The following AGBL1 variants were observed in gnomAD, a reference collection of about 807,000 sequenced individuals.
AGBL1 encodes the protein cytosolic carboxypeptidase 4.
Under a neutral mutation model 118.9 loss-of-function variants are expected in AGBL1, and 130 were observed. The observed-to-expected ratio is 1.09, with a 90% CI of 0.95 to 1.26. The LOEUF (loss-of-function observed/expected upper bound fraction) is 1.26. Ranked by LOEUF, AGBL1 falls within the 50% of genes most tolerant of loss-of-function variation. The pLI is 0.00. For missense variants in AGBL1, 1,584 were observed against 1,298.1 expected, an observed-to-expected ratio of 1.22 and a Z score of -3.38; for synonymous variants, 555 against 478.9, an observed-to-expected ratio of 1.16 and a Z score of -2.08.
chr15:86,437,551 T>G (rs904031170), intron 18 of AGBL1, among the ~76,000 whole-genome samples: 3 of 152,158 alleles, frequency 2.0e-5, no homozygotes, highest in African/African-American at 7.2e-5. Context: ...ATGCATGCAG[T>G]TTCCCCAACT....
rs981709014 is a variant in AGBL1 at position 86,968,939 on chromosome 15, G to A, written c.3222-19048G>A. On this transcript the variant is annotated intron_variant, in intron 23 of 24. Transcript: ENST00000441037. ...TAAAGGCGCTAATTCTATTCATGAGGCAGATCCCTTATAACCTTGTCGCCA... is the reference window on the plus strand; with the variant it reads ...TAAAGGCGCTAATTCTATTCATGAGACAGATCCCTTATAACCTTGTCGCCA... Among the ~76,000 whole-genome samples, 5 of 151,722 alleles carry A rather than the reference G, an allele frequency of 3.3e-5. No homozygotes were observed. In the East Asian group the frequency reaches 5.8e-4, roughly 18 times the overall value.
chr15:87,003,684 C>A (rs904681705), intron 24 of AGBL1, among the ~76,000 whole-genome samples: 3 of 152,132 alleles, frequency 2.0e-5, no homozygotes, highest in Non-Finnish European at 4.4e-5. Context: ...AGAGATTCAA[C>A]TTCTTCCTGG....
At chr15:86,244,113 A>G (rs1019465869) in intron 6 of AGBL1, among the ~76,000 whole-genome samples, 6 of 151,472 alleles carry the variant, frequency 4.0e-5, no homozygotes, top group Non-Finnish European at 1.5e-5. Context: ...ATAGACACTA[A>G]TCTATTTAGA....
chr15:86,827,358 T>C (rs1442900351), intron 22 of AGBL1, among the ~76,000 whole-genome samples: 279 of 9,948 alleles, frequency 0.028, 36 homozygotes, highest in East Asian at 0.27. Context: ...TATATATATA[T>C]ATATGTGTGT....
intron 7 of AGBL1, among the ~76,000 whole-genome samples, chr15:86,251,897 C>T (rs902291024): frequency 2.0e-5 from 3 of 151,580 alleles, no homozygotes; most frequent in African/African-American, 7.3e-5. Flanking sequence ...TAGGTAACTG[C>T]AGAAGGAACA....
Position 86,200,550 on chromosome 15 carries a change from A to ACC in AGBL1, c.489-24353_489-24352dup, listed in dbSNP as rs60352336. Among the ~76,000 whole-genome samples the ACC allele has an allele frequency of 1.2e-3, 85 of 72,142 alleles. 2 individuals are homozygous for ACC. Among genetic ancestry groups the ACC allele is most frequent in the Middle Eastern group, 9.4e-3 (1 of 106 alleles). 47.3% of individuals were successfully genotyped at this position (72,142 alleles called of 152,430 possible). A position where few individuals can be genotyped will look rare whatever the true frequency, so the allele number is the denominator to read the frequency against. ...TCCTACTCTAGAGTAATAGACCCCT[A>ACC]CCCCCCCCCCCCTTTTTTTTTTGCT... is the stretch of plus-strand genomic sequence containing the variant. On this transcript the variant is annotated intron_variant, in intron 5 of 22. Transcript: ENST00000614907.
At chr15:86,706,929 T>C (rs1194345255) in intron 22 of AGBL1, among the ~76,000 whole-genome samples, 1 of 151,968 alleles carries the variant, frequency 6.6e-6, no homozygotes, top group Non-Finnish European at 1.5e-5. Context: ...CTATGGAGAG[T>C]AAAAAGGGAT....
At chr15:86,631,809 T>C (rs1248260496) in intron 21 of AGBL1, among the ~76,000 whole-genome samples, 1 of 152,178 alleles carries the variant, frequency 6.6e-6, no homozygotes, top group African/African-American at 2.4e-5. Flanking sequence ...AGAGCCTCTT[T>C]CTACTGCCTC....
At chr15:86,711,259 T>C (rs1317517479) in intron 22 of AGBL1, among the ~76,000 whole-genome samples, 1 of 152,164 alleles carries the variant, frequency 6.6e-6, no homozygotes, top group East Asian at 1.9e-4. Flanking sequence ...AACAGGAAAC[T>C]TGAGGAAGTT....
chr15:86,252,486 A>G (rs17143), intron 7 of AGBL1, among the ~76,000 whole-genome samples: 2 of 152,070 alleles, frequency 1.3e-5, no homozygotes, highest in African/African-American at 4.8e-5. Flanking sequence ...TGAAGGTGAT[A>G]GAGGACTCAT....
Position 86,302,797 on chromosome 15 carries a change from A to AT in AGBL1, c.2374+7389_2374+7390insT, listed in dbSNP as rs1329056230. 4.0e-3 allele frequency among the ~76,000 whole-genome samples: 606 copies of AT among 149,990 alleles called. 3 individuals carry two copies. Among genetic ancestry groups the AT allele is most frequent in the African/African-American group, 0.014 (546 of 40,360 alleles). On this transcript the variant is annotated intron_variant, in intron 17 of 22. Transcript: ENST00000614907. Reference sequence around the variant, plus strand: ...CTGTCTCAAAAAAAAAAAAAAAAAAAAAGTAAATAGAAAATCTCAGGGTAC... The same window carrying AT: ...CTGTCTCAAAAAAAAAAAAAAAAAAATAAGTAAATAGAAAATCTCAGGGTAC...
intron 7 of AGBL1, among the ~76,000 whole-genome samples, chr15:86,248,252 T>C (rs2078753744): frequency 6.6e-6 from 1 of 152,142 alleles, no homozygotes; most frequent in African/African-American, 2.4e-5. Context: ...AGGAGGCAGA[T>C]GTTGCAGTGA....
intron 21 of AGBL1, among the ~76,000 whole-genome samples, chr15:86,597,155 C>CCATCCATA (rs1555429313): frequency 1.5e-4 from 23 of 151,972 alleles, no homozygotes; most frequent in African/African-American, 5.5e-4. Context: ...ATCCATCCAT[C>CCATCCATA]CATCCATCCA....
At chr15:86,620,166 A>G in intron 21 of AGBL1, among the ~76,000 whole-genome samples, 1 of 152,188 alleles carries the variant, frequency 6.6e-6, no homozygotes, top group East Asian at 1.9e-4. Flanking sequence ...TCCCATAAGT[A>G]GAAGATGAAA....
intron 18 of AGBL1, among the ~76,000 whole-genome samples, chr15:86,476,038 T>C (rs1389460325): frequency 6.6e-6 from 1 of 152,114 alleles, no homozygotes; most frequent in Non-Finnish European, 1.5e-5. Context: ...GCTGAGAGAT[T>C]TTGTCACCAC....
intron 5 of AGBL1, among the ~76,000 whole-genome samples, chr15:86,185,461 G>GT (rs2077616228): frequency 6.6e-6 from 1 of 152,156 alleles, no homozygotes; most frequent in Non-Finnish European, 1.5e-5. Context: ...GCACACGTAT[G>GT]TTTATTGCGG....
At chr15:86,417,948 A>T (rs772029108) in intron 18 of AGBL1, among the ~76,000 whole-genome samples, 2 of 152,102 alleles carry the variant, frequency 1.3e-5, no homozygotes, top group African/African-American at 2.4e-5. Flanking sequence ...CCTCGAAGTT[A>T]TTTTTTATAT....
At chr15:86,989,137 G>A (rs1386834818) in intron 24 of AGBL1, among the ~76,000 whole-genome samples, 3 of 151,836 alleles carry the variant, frequency 2.0e-5, no homozygotes, top group Non-Finnish European at 4.4e-5. Flanking sequence ...AAGTAGCTGG[G>A]ACTACAGGTG....
chr15:87,024,522 A>T (rs1472954118), intron 24 of AGBL1, among the ~76,000 whole-genome samples: 4 of 151,974 alleles, frequency 2.6e-5, no homozygotes, highest in African/African-American at 9.7e-5. Context: ...GACCAGACAG[A>T]TTCCCAGACG....
Sources: gnomAD v4.1 joint callset for allele counts (sites outside exome capture counted in the v4.1 genomes callset) on GRCh38, gnomAD v4.1.1 for gene constraint, MANE v1.5 for transcripts, NCBI Gene and HGNC (gene_info 2026-07-23, HGNC 2026-07-21) for gene names.